The following CDH18 variants were observed in gnomAD, a reference collection of about 807,000 sequenced individuals.
CDH18 encodes the protein cadherin-18.
A neutral mutation model predicts 67.9 loss-of-function variants in CDH18; 31 were observed. That is an observed-to-expected ratio of 0.46 (90% CI 0.34 to 0.62). The LOEUF (loss-of-function observed/expected upper bound fraction) is 0.62. CDH18 is among the 20% of genes least tolerant of loss of function. CDH18 has a pLI of 0.01. For synonymous variants in CDH18, 362 were observed against 347.2 expected, an observed-to-expected ratio of 1.04 and a Z score of -0.48; for missense variants, 890 against 975.5, an observed-to-expected ratio of 0.91 and a Z score of 1.17.
intron 1 of CDH18, among the ~76,000 whole-genome samples, chr5:20,481,342 T>C (rs1401595220): frequency 1.3e-5 from 2 of 152,082 alleles, no homozygotes; most frequent in Non-Finnish European, 2.9e-5. Flanking sequence ...AAGCAAATAT[T>C]ATTAAAGCTA....
chr5:20,513,285 A>G (rs1755157372), intron 1 of CDH18, among the ~76,000 whole-genome samples: 1 of 152,192 alleles, frequency 6.6e-6, no homozygotes, highest in Admixed American at 6.5e-5. Flanking sequence ...TTAGGAGCTT[A>G]AATTACAGCA....
chr5:20,291,024 A>G (rs1747064755), intron 1 of CDH18, among the ~76,000 whole-genome samples: 1 of 152,262 alleles, frequency 6.6e-6, no homozygotes, highest in Admixed American at 6.5e-5. Flanking sequence ...AAATGTACCC[A>G]TGGTCTTAAA....
chr5:20,457,895 T>C (rs1407200864), intron 1 of CDH18, among the ~76,000 whole-genome samples: 1 of 151,948 alleles, frequency 6.6e-6, no homozygotes, highest in Non-Finnish European at 1.5e-5. Flanking sequence ...CAGGAAGCAA[T>C]GCAAAAGGAA....
In CDH18 at chr5:20,123,211, TAGA is replaced by T. The variant is rs148695822; in HGVS notation, c.-517-131200_-517-131198del. Among the ~76,000 whole-genome samples the T allele has an allele frequency of 2.5e-3, 387 of 151,808 alleles. 2 individuals carry two copies. The highest frequency in any genetic ancestry group is 9.1e-3 in the African/African-American group (375 of 41,402). The stretch of plus-strand genomic sequence containing the variant: ...GGAACATACGTGATCTGGAAAAGAG[TAGA>T]AGAAGATGCCTCACAGATTCTGCAT... On this transcript the variant is annotated intron_variant, in intron 2 of 14. Transcript: ENST00000507958.
Position 19,497,702 on chromosome 5 carries a change from G to C in CDH18, c.1630+5290C>G, listed in dbSNP as rs113672952. ...ATGGGCGAAGATCTTCTTGGTGTGA[G>C]GAAATTAGCTACCTTATGTAATTCT... On this transcript the variant is annotated intron_variant, in intron 11 of 12. Coordinates refer to ENST00000382275, the MANE Select transcript of CDH18 (RefSeq NM_004934.5). 2.5e-3 allele frequency among the ~76,000 whole-genome samples: 386 copies of C among 152,248 alleles called. 3 individuals are homozygous for C. Among genetic ancestry groups the C allele is most frequent in the African/African-American group, 8.8e-3 (364 of 41,540 alleles).
At position 19,998,679 on chromosome 5, in the gene CDH18, G is replaced by A. The variant is rs544129579; in HGVS notation, c.-517-6665C>T. ...AACCCTAAACAGTATTAGTATTGTA[G>A]TGTGAGTTAAGGGGGAGAATCCTTT... On this transcript the variant is annotated intron_variant, in intron 2 of 14. Coordinates refer to the CDH18 transcript ENST00000507958. 3.9e-5 allele frequency among the ~76,000 whole-genome samples: 6 copies of A among 152,208 alleles called. No individual in the cohort carries two copies. In the East Asian group the frequency reaches 1.2e-3, roughly 29 times the overall value.
chr5:19,675,386 G>C (rs1045154844), intron 5 of CDH18, among the ~76,000 whole-genome samples: 1 of 151,972 alleles, frequency 6.6e-6, no homozygotes, highest in South Asian at 2.1e-4. Context: ...ACTGGAGACC[G>C]GGGCTTATTT....
intron 3 of CDH18, among the ~76,000 whole-genome samples, chr5:19,750,850 G>T (rs528966126): frequency 6.8e-6 from 1 of 147,180 alleles, no homozygotes; most frequent in African/African-American, 2.5e-5. Flanking sequence ...TATACTCTTA[G>T]AGCCATGGGA....
intron 1 of CDH18, among the ~76,000 whole-genome samples, chr5:20,505,056 C>T (rs1754576763): frequency 6.6e-6 from 1 of 151,424 alleles, no homozygotes; most frequent in Non-Finnish European, 1.5e-5. Flanking sequence ...TGTCGGCCAT[C>T]GCGCCTGGCC....
intron 2 of CDH18, among the ~76,000 whole-genome samples, chr5:20,089,320 C>T (rs961782091): frequency 1.1e-4 from 17 of 151,784 alleles, no homozygotes; most frequent in African/African-American, 1.9e-4. Flanking sequence ...TAGACTTTCC[C>T]GTATCTTTTT....
At chr5:19,683,977 T>A (rs1359191562) in intron 5 of CDH18, among the ~76,000 whole-genome samples, 1 of 152,144 alleles carries the variant, frequency 6.6e-6, no homozygotes, top group East Asian at 1.9e-4. Flanking sequence ...ACATAATGAA[T>A]GAGTGAGGAA....
intron 1 of CDH18, among the ~76,000 whole-genome samples, chr5:20,281,055 T>C (rs1464866717): frequency 1.3e-5 from 2 of 152,168 alleles, no homozygotes; most frequent in African/African-American, 2.4e-5. Flanking sequence ...GATGGGGTTG[T>C]TTGTTTTTTT....
At chr5:19,849,978 T>G (rs569288550) in intron 2 of CDH18, among the ~76,000 whole-genome samples, 2 of 151,860 alleles carry the variant, frequency 1.3e-5, no homozygotes, top group South Asian at 2.1e-4. Flanking sequence ...TCCAGCATCT[T>G]TTTCTAACAC....
chr5:20,440,142 T>C (rs974453579), intron 1 of CDH18, among the ~76,000 whole-genome samples: 1 of 151,874 alleles, frequency 6.6e-6, no homozygotes, highest in Non-Finnish European at 1.5e-5. Context: ...CTGAAGGATA[T>C]TCATTCAACA....
intron 3 of CDH18, among the ~76,000 whole-genome samples, chr5:19,799,360 G>T (rs1392829004): frequency 6.6e-6 from 1 of 151,562 alleles, no homozygotes; most frequent in Non-Finnish European, 1.5e-5. Context: ...GTACAACATA[G>T]TATCTATAGT....
chr5:19,826,549 C>A (rs892287390), intron 3 of CDH18, among the ~76,000 whole-genome samples: 2 of 152,078 alleles, frequency 1.3e-5, no homozygotes, highest in African/African-American at 4.8e-5. Context: ...ATCCTACAGG[C>A]CAGAAGTGAC....
chr5:20,321,915 T>G (rs1159696433), intron 1 of CDH18, among the ~76,000 whole-genome samples: 1 of 152,156 alleles, frequency 6.6e-6, no homozygotes, highest in Non-Finnish European at 1.5e-5. Flanking sequence ...AATCCTTCAG[T>G]TTTTACAAAT....
At chr5:19,637,348 ATAT>A (rs1354458444) in intron 5 of CDH18, among the ~76,000 whole-genome samples, 50 of 152,254 alleles carry the variant, frequency 3.3e-4, no homozygotes, top group African/African-American at 1.2e-3. Flanking sequence ...GGACACTCTA[ATAT>A]CACGGCTGCC....
At chr5:20,508,814 C>G (rs1464303760) in intron 1 of CDH18, among the ~76,000 whole-genome samples, 1 of 151,880 alleles carries the variant, frequency 6.6e-6, no homozygotes, top group Non-Finnish European at 1.5e-5. Flanking sequence ...AATATGTAAA[C>G]TATATTATAT....
Sources: allele counts gnomAD v4.1 joint callset (sites outside exome capture counted in the v4.1 genomes callset), GRCh38; gene constraint gnomAD v4.1.1; transcripts MANE v1.5; gene names NCBI Gene and HGNC (gene_info 2026-07-23, HGNC 2026-07-21).